Variants in SLC4A4 observed in about 807,000 individuals in gnomAD.
SLC4A4 encodes the protein solute carrier family 4 member 4.
A neutral mutation model predicts 111.5 loss-of-function variants in SLC4A4; 27 were observed. The observed-to-expected ratio is 0.24, with a 90% CI of 0.18 to 0.33. The LOEUF (loss-of-function observed/expected upper bound fraction) is 0.33. SLC4A4 is among the 10% of genes least tolerant of loss of function. The probability of loss-of-function intolerance (pLI) is 1.00; values close to 1 mark genes in which losing one functional copy is unlikely to be tolerated. For missense variants in SLC4A4, 909 were observed against 1,315.5 expected (o/e 0.69, Z 4.78); for synonymous variants, 443 against 463.4 (o/e 0.96, Z 0.57).
intron 2 of SLC4A4, among the ~76,000 whole-genome samples, chr4:71,242,963 T>C (rs555967112): frequency 1.3e-5 from 2 of 152,324 alleles, no homozygotes; most frequent in South Asian, 2.1e-4. Flanking sequence ...GCCTTTGGAC[T>C]CATTCTCATC....
At chr4:71,512,663 TTTGGTTGCC>T (rs761084999) in intron 16 of SLC4A4, among the ~76,000 whole-genome samples, 112 of 152,294 alleles carry the variant, frequency 7.4e-4, no homozygotes, top group Non-Finnish European at 1.5e-3. Flanking sequence ...TCTATTTTTG[TTTGGTTGCC>T]AATGAATTTC....
At chr4:71,409,670 G>C (rs965182357) in intron 7 of SLC4A4, among the ~76,000 whole-genome samples, 5 of 152,206 alleles carry the variant, frequency 3.3e-5, no homozygotes, top group Non-Finnish European at 7.3e-5. Context: ...CCCATGTTTT[G>C]AGGAGAAATT....
At chr4:71,198,685 G>T (rs890894959) in intron 1 of SLC4A4, among the ~76,000 whole-genome samples, 16 of 152,162 alleles carry the variant, frequency 1.1e-4, no homozygotes, top group Non-Finnish European at 2.2e-4. Context: ...AGAGAAATAG[G>T]CTGGGTGCCT....
At chr4:71,419,675 C>T (rs1034511439) in intron 7 of SLC4A4, among the ~76,000 whole-genome samples, 12 of 152,352 alleles carry the variant, frequency 7.9e-5, no homozygotes, top group South Asian at 4.1e-4. Flanking sequence ...TGCCCTCCTT[C>T]GGCTCGTGCA....
intron 7 of SLC4A4, among the ~76,000 whole-genome samples, chr4:71,399,035 A>C (rs947662218): frequency 2.0e-5 from 3 of 152,222 alleles, no homozygotes; most frequent in Non-Finnish European, 4.4e-5. Flanking sequence ...TCTCTAAATA[A>C]TACATCATAG....
chr4:71,486,861 C>T lies in SLC4A4; in HGVS notation c.1904-87C>T, dbSNP rs920146184. ...TATTAAAGACATTTTTACTGTATAA[C>T]CCTGCTTTTAAAAATACCTAATTAT... is the stretch of plus-strand genomic sequence containing the variant. On this transcript the variant is annotated intron_variant, in intron 14 of 25. Coordinates refer to ENST00000264485, the MANE Select transcript of SLC4A4 (RefSeq NM_001098484.3). 16 of 666,746 alleles carry T rather than the reference C, an allele frequency of 2.4e-5. No individual in the cohort carries two copies. In the African/African-American group the frequency reaches 3.2e-4, roughly 14 times the overall value. 41.3% of individuals were successfully genotyped at this position (666,746 alleles called of 1,614,324 possible).
chr4:71,273,746 A>G (rs1050614313), intron 3 of SLC4A4, among the ~76,000 whole-genome samples: 2 of 151,896 alleles, frequency 1.3e-5, no homozygotes, highest in African/African-American at 4.8e-5. Context: ...AGTAGTTGAG[A>G]AGTAGCTCTG....
chr4:71,219,673 G>T (rs1395094400), intron 1 of SLC4A4, among the ~76,000 whole-genome samples: 1 of 152,120 alleles, frequency 6.6e-6, no homozygotes, highest in African/African-American at 2.4e-5. Context: ...CTTCTGAAAA[G>T]GATTTACCAT....
intron 2 of SLC4A4, among the ~76,000 whole-genome samples, chr4:71,127,377 ATAAAG>A (rs908319338): frequency 5.3e-5 from 8 of 152,248 alleles, no homozygotes; most frequent in African/African-American, 1.9e-4. Context: ...TTGGTGCTGA[ATAAAG>A]TATAGAACAT....
At chr4:71,499,559 T>C (rs1238201376) in intron 16 of SLC4A4, among the ~76,000 whole-genome samples, 1 of 152,168 alleles carries the variant, frequency 6.6e-6, no homozygotes, top group Non-Finnish European at 1.5e-5. Context: ...TGTCTGATAC[T>C]TTGTACGCTT....
intron 2 of SLC4A4, among the ~76,000 whole-genome samples, chr4:71,175,558 C>G (rs113367784): frequency 6.6e-6 from 1 of 152,228 alleles, no homozygotes; most frequent in Non-Finnish European, 1.5e-5. Flanking sequence ...GAGGGTCCTA[C>G]GCCCATGGAG....
chr4:71,541,914 T>C (rs1735104327), intron 18 of SLC4A4, among the ~76,000 whole-genome samples: 1 of 152,168 alleles, frequency 6.6e-6, no homozygotes, highest in Non-Finnish European at 1.5e-5. Context: ...CAGTATTCTT[T>C]ATATAAAAAG....
At chr4:71,431,247 C>T (rs1053073304) in intron 7 of SLC4A4, among the ~76,000 whole-genome samples, 13 of 152,046 alleles carry the variant, frequency 8.6e-5, no homozygotes, top group South Asian at 2.1e-4. Flanking sequence ...AAGTACAAGG[C>T]AGATAAAATA....
At chr4:71,282,814 C>T (rs1245726154) in intron 3 of SLC4A4, among the ~76,000 whole-genome samples, 1 of 150,742 alleles carries the variant, frequency 6.6e-6, no homozygotes, top group Non-Finnish European at 1.5e-5. Flanking sequence ...TGGGCTCAAG[C>T]GATCCTCCTA....
chr4:71,511,575 C>T (rs1357337211), intron 16 of SLC4A4, among the ~76,000 whole-genome samples: 1 of 151,818 alleles, frequency 6.6e-6, no homozygotes, highest in Non-Finnish European at 1.5e-5. Flanking sequence ...TTATTTATTG[C>T]ACAAATTTAT....
chr4:71,229,688 G>T (rs562208990), intron 1 of SLC4A4, among the ~76,000 whole-genome samples: 3 of 152,118 alleles, frequency 2.0e-5, no homozygotes, highest in East Asian at 1.9e-4. Context: ...CAGTTTTGCC[G>T]CACCGATGTC....
chr4:71,535,972 G>T (rs975922464), intron 18 of SLC4A4, among the ~76,000 whole-genome samples: 3 of 152,040 alleles, frequency 2.0e-5, no homozygotes, highest in African/African-American at 7.2e-5. Flanking sequence ...GAAAGAAAAG[G>T]TTGCAAATTC....
At chr4:71,501,827 G>A (rs931357171) in intron 16 of SLC4A4, among the ~76,000 whole-genome samples, 1 of 151,542 alleles carries the variant, frequency 6.6e-6, no homozygotes, top group African/African-American at 2.4e-5. Context: ...ATGGGACCTG[G>A]CTAATTTTTT....
chr4:71,322,058 T>C (rs907548060), intron 3 of SLC4A4, among the ~76,000 whole-genome samples: 1 of 151,984 alleles, frequency 6.6e-6, no homozygotes, highest in African/African-American at 2.4e-5. Flanking sequence ...GAAAACCTTA[T>C]TGTAGAATCT....
Sources: gnomAD v4.1 joint callset for allele counts (sites outside exome capture counted in the v4.1 genomes callset) on GRCh38, gnomAD v4.1.1 for gene constraint, MANE v1.5 for transcripts, NCBI Gene and HGNC (gene_info 2026-07-23, HGNC 2026-07-21) for gene names.